Variants in EIF4G3 observed in about 807,000 individuals in gnomAD.
EIF4G3 encodes eukaryotic translation initiation factor 4 gamma 3.
In EIF4G3, 34 loss-of-function variants were observed where a neutral mutation model predicts 186.4. The observed-to-expected ratio is 0.18, with a 90% CI of 0.14 to 0.24. The LOEUF (loss-of-function observed/expected upper bound fraction) is 0.24. Among genes scored for constraint, EIF4G3 ranks in the 10% least tolerant of loss-of-function variants. The pLI, the probability that EIF4G3 is intolerant of heterozygous loss-of-function variation, is 1.00. For missense variants in EIF4G3, 1,536 were observed against 1,948.5 expected (o/e 0.79, Z 3.99); for synonymous variants, 673 against 679.5 (o/e 0.99, Z 0.15).
intron 16 of EIF4G3, among the ~76,000 whole-genome samples, chr1:20,898,131 T>A (rs969971241): frequency 5.3e-5 from 8 of 151,894 alleles, no homozygotes; most frequent in East Asian, 1.9e-4. Context: ...AGGGTTTTTT[T>A]AAAAAAAGTT....
At chr1:21,068,080 CA>C (rs2095312650) in intron 3 of EIF4G3, among the ~76,000 whole-genome samples, 1 of 151,708 alleles carries the variant, frequency 6.6e-6, no homozygotes, top group African/African-American at 2.4e-5. Context: ...GTGATCTTAA[CA>C]AAAAGAAGGG....
At chr1:20,812,383 G>A (rs950940681) in intron 35 of EIF4G3, among the ~76,000 whole-genome samples, 6 of 152,134 alleles carry the variant, frequency 3.9e-5, no homozygotes, top group African/African-American at 1.4e-4. Context: ...TTTCTACTTA[G>A]CTTTGTTATT....
rs35273908 is a variant in EIF4G3, at chr1:21,137,148, C to CTT, written c.-272+39025_-272+39026dup. ...CTTTGCTTTTGTTTGTTTGTTTTTCCTTTTTTTTTTTTGGAGACTAGGTCT... is the reference window on the plus strand; with the variant it reads ...CTTTGCTTTTGTTTGTTTGTTTTTCCTTTTTTTTTTTTTTGGAGACTAGGTCT... On this transcript the variant is annotated intron_variant, in intron 2 of 36. Transcript: ENST00000602326. Among the ~76,000 whole-genome samples the CTT allele has an allele frequency of 1.6e-3, 233 of 142,552 alleles. 1 individual carries two copies. Among genetic ancestry groups the CTT allele is most frequent in the Middle Eastern group, 3.6e-3 (1 of 278 alleles). The allele number at this position is 142,552 out of a possible 152,430, so 93.5% of individuals were successfully genotyped here.
intron 24 of EIF4G3, among the ~76,000 whole-genome samples, chr1:20,858,944 C>T (rs1274222223): frequency 1.3e-5 from 2 of 152,152 alleles, no homozygotes; most frequent in Non-Finnish European, 2.9e-5. Flanking sequence ...TGCAGTGAGC[C>T]GAGATCGCGC....
At chr1:20,829,083 G>A (rs2064411456) in intron 31 of EIF4G3, 64 bp downstream of exon 31, 5 of 1,553,088 alleles carry the variant, frequency 3.2e-6, no homozygotes, top group Non-Finnish European at 4.4e-6. Flanking sequence ...ATGATAGAGA[G>A]CTAGCAAGTG....
At chr1:21,147,373 C>G (rs2097462844) in intron 2 of EIF4G3, among the ~76,000 whole-genome samples, 1 of 152,016 alleles carries the variant, frequency 6.6e-6, no homozygotes, top group South Asian at 2.1e-4. Context: ...CAGAGTCTCA[C>G]ACTGTCGCCT....
rs559267001 is a variant in EIF4G3 at position 21,015,591 on chromosome 1, T to C, written c.-66-12783A>G. Among the ~76,000 whole-genome samples the C allele has an allele frequency of 3.3e-5, 5 of 152,112 alleles. No individual in the cohort carries two copies. The East Asian group carries it at 7.7e-4, about 23-fold the overall frequency. ...CTGGGGAACACAGCAAGAACCTGTC[T>C]ATACAAAAAACAAATTTTTAAGGTA... is the stretch of plus-strand genomic sequence containing the variant. On this transcript the variant is annotated intron_variant, in intron 4 of 36. Coordinates refer to ENST00000602326, the MANE Select transcript of EIF4G3 (RefSeq NM_001391906.1).
intron 4 of EIF4G3, among the ~76,000 whole-genome samples, chr1:21,044,108 G>A (rs1203444325): frequency 6.6e-6 from 1 of 152,160 alleles, no homozygotes; most frequent in Non-Finnish European, 1.5e-5. Context: ...GGTACATGGG[G>A]ACTTGGTGTG....
intron 3 of EIF4G3, among the ~76,000 whole-genome samples, chr1:21,059,471 A>G (rs2094767820): frequency 6.6e-6 from 1 of 152,186 alleles, no homozygotes; most frequent in South Asian, 2.1e-4. Flanking sequence ...TACAGTGGAT[A>G]TGAGGAAGGA....
intron 2 of EIF4G3, among the ~76,000 whole-genome samples, chr1:21,172,118 CAAAAAA>C (rs35477282): frequency 3.8e-5 from 4 of 105,528 alleles, no homozygotes; most frequent in Admixed American, 9.7e-5. Context: ...CCTCCTCTAG[CAAAAAA>C]AAAAAAAAAA....
Position 20,826,481 on chromosome 1 carries a change from C to CTTT in EIF4G3, c.4269+1133_4269+1135dup, listed in dbSNP as rs71014120. Among the ~76,000 whole-genome samples the CTTT allele has an allele frequency of 1.0e-3, 51 of 50,656 alleles. 2 individuals carry two copies. Among genetic ancestry groups the CTTT allele is most frequent in the Admixed American group, 2.1e-3 (6 of 2,832 alleles). 33.2% of individuals were successfully genotyped at this position (50,656 alleles called of 152,430 possible). ...TGTGCCAGCCAGAATGTGAGTCTTTCTTTTTTTTTTTTTTTTTTTTTTTTT... is the reference window on the plus strand; with the variant it reads ...TGTGCCAGCCAGAATGTGAGTCTTTCTTTTTTTTTTTTTTTTTTTTTTTTTTTT... On this transcript the variant is annotated intron_variant, in intron 32 of 36. Coordinates refer to ENST00000602326, the MANE Select transcript of EIF4G3 (RefSeq NM_001391906.1).
chr1:20,871,795 CA>C (rs1243215350), intron 20 of EIF4G3, among the ~76,000 whole-genome samples: 1 of 152,048 alleles, frequency 6.6e-6, no homozygotes, highest in Non-Finnish European at 1.5e-5. Context: ...CTTGAAAAAG[CA>C]ATTGGGTAGA....
At chr1:20,913,140 T>C (rs1018418425) in intron 14 of EIF4G3, among the ~76,000 whole-genome samples, 1 of 152,218 alleles carries the variant, frequency 6.6e-6, no homozygotes. Context: ...AGGCTTCCCA[T>C]GGTATGACAA....
At chr1:20,981,594 C>T (rs1213166319) in intron 8 of EIF4G3, among the ~76,000 whole-genome samples, 1 of 132,562 alleles carries the variant, frequency 7.5e-6, no homozygotes, top group African/African-American at 2.9e-5. Flanking sequence ...TGTATACATA[C>T]ATGTATACGC....
intron 2 of EIF4G3, among the ~76,000 whole-genome samples, chr1:21,167,276 TG>T (rs2097871258): frequency 3.9e-5 from 6 of 152,250 alleles, no homozygotes. Context: ...AAATTATGTT[TG>T]TTCCCACACT....
intron 3 of EIF4G3, among the ~76,000 whole-genome samples, chr1:21,067,119 T>C (rs1343890539): frequency 4.1e-5 from 6 of 147,568 alleles, no homozygotes; most frequent in Non-Finnish European, 6.0e-5. Context: ...TATTAAGTAA[T>C]TTTTTTCTTT....
chr1:21,046,958 C>A (rs752276915), intron 4 of EIF4G3, among the ~76,000 whole-genome samples: 13 of 152,102 alleles, frequency 8.5e-5, no homozygotes, highest in Non-Finnish European at 1.9e-4. Context: ...AATGCACTTA[C>A]TAAATTTAGG....
chr1:20,889,530 T>A (rs2085281816), intron 18 of EIF4G3, among the ~76,000 whole-genome samples: 1 of 152,250 alleles, frequency 6.6e-6, no homozygotes, highest in African/African-American at 2.4e-5. Context: ...GGAGTCTTGC[T>A]CTTTCGCCCA....
chr1:20,842,181 T>C (rs1395978558), intron 29 of EIF4G3, among the ~76,000 whole-genome samples: 3 of 152,228 alleles, frequency 2.0e-5, no homozygotes. Context: ...ATATAGTACA[T>C]ATTCAAATTT....
Sources: gnomAD v4.1 joint callset for allele counts (sites outside exome capture counted in the v4.1 genomes callset) on GRCh38, gnomAD v4.1.1 for gene constraint, MANE v1.5 for transcripts, NCBI Gene and HGNC (gene_info 2026-07-23, HGNC 2026-07-21) for gene names.